TENM3: variants seen among roughly 807,000 people sequenced by gnomAD.
The protein encoded by TENM3 is teneurin-3.
In TENM3, 63 loss-of-function variants were observed where a neutral mutation model predicts 255.1. That is an observed-to-expected ratio of 0.25 (90% confidence interval 0.20 to 0.30). The LOEUF is 0.30. TENM3 is among the 10% of genes least tolerant of loss of function. The pLI is 1.00. For synonymous variants in TENM3, 1,306 were observed against 1,322.3 expected (o/e 0.99, Z 0.27); for missense variants, 2,929 against 3,461.1 (o/e 0.85, Z 3.86).
intron 1 of TENM3, among the ~76,000 whole-genome samples, chr4:182,200,422 T>C (rs1754113319): frequency 1.3e-5 from 2 of 152,216 alleles, no homozygotes; most frequent in Non-Finnish European, 2.9e-5. Flanking sequence ...CAAGAGAACA[T>C]TCTTATTGAG....
intron 3 of TENM3, among the ~76,000 whole-genome samples, chr4:182,594,717 TG>T (rs1357048104): frequency 3.8e-4 from 53 of 139,652 alleles, no homozygotes; most frequent in Middle Eastern, 3.8e-3. Context: ...TGTGTGTGTG[TG>T]TGTGTGTGTG....
intron 1 of TENM3, among the ~76,000 whole-genome samples, chr4:182,275,045 G>A (rs1424747546): frequency 3.3e-5 from 5 of 152,046 alleles, no homozygotes; most frequent in Non-Finnish European, 7.4e-5. Context: ...GGCTGGTCTC[G>A]AGCTCTTGAC....
At chr4:182,714,796 A>G in intron 13 of TENM3, among the ~76,000 whole-genome samples, 1 of 152,178 alleles carries the variant, frequency 6.6e-6, no homozygotes. Flanking sequence ...CTCAGCCTCC[A>G]TGTACTGTAT....
At chr4:181,745,647 G>A in the TENM3 span, among the ~76,000 whole-genome samples, 2 of 152,104 alleles carry the variant, frequency 1.3e-5, no homozygotes, top group Non-Finnish European at 2.9e-5. Context: ...TAAGGAGAGA[G>A]CTTGGGGAAG....
chr4:182,523,998 T>C (rs1389104439), intron 3 of TENM3, among the ~76,000 whole-genome samples: 3 of 152,128 alleles, frequency 2.0e-5, no homozygotes, highest in Non-Finnish European at 4.4e-5. Flanking sequence ...GAATTTTCCG[T>C]AGGAAAAAAA....
At chr4:182,431,923 A>G (rs1386578664) in intron 3 of TENM3, among the ~76,000 whole-genome samples, 1 of 151,984 alleles carries the variant, frequency 6.6e-6, no homozygotes, top group Admixed American at 6.5e-5. Flanking sequence ...CTAAAAATAG[A>G]AAAATTACAG....
the TENM3 span, among the ~76,000 whole-genome samples, chr4:181,994,958 A>G: frequency 7.4e-3 from 1,127 of 152,298 alleles, 16 homozygotes; most frequent in African/African-American, 0.025. Flanking sequence ...TTGGAATTGA[A>G]CTACACTTAT....
At chr4:182,629,778 A>G (rs12650230) in intron 5 of TENM3, among the ~76,000 whole-genome samples, 9,356 of 152,234 alleles carry the variant, frequency 0.061, 398 homozygotes, top group East Asian at 0.14. Context: ...AGTATTGCAG[A>G]GCTGTATGTA....
chr4:182,544,442 T>C (rs1044499251), intron 3 of TENM3, among the ~76,000 whole-genome samples: 8 of 147,216 alleles, frequency 5.4e-5, no homozygotes, highest in Non-Finnish European at 1.0e-4. Context: ...GCGACTCTCC[T>C]ACCTCAGTCT....
At chr4:182,695,191 T>C (rs550232818) in intron 12 of TENM3, among the ~76,000 whole-genome samples, 13 of 152,172 alleles carry the variant, frequency 8.5e-5, no homozygotes, top group African/African-American at 3.1e-4. Flanking sequence ...CAGTCAGTGG[T>C]TGGTAGTGGT....
chr4:181,797,788 G>A, the TENM3 span, among the ~76,000 whole-genome samples: 14 of 152,180 alleles, frequency 9.2e-5, no homozygotes, highest in African/African-American at 3.1e-4. Context: ...TTTCTAATGT[G>A]GGGGCTTCTG....
the TENM3 span, among the ~76,000 whole-genome samples, chr4:181,936,633 T>C: frequency 1.3e-5 from 2 of 152,172 alleles, no homozygotes; most frequent in East Asian, 1.9e-4. Flanking sequence ...TCTTAGAGAA[T>C]AGCAGGGAAG....
the TENM3 span, among the ~76,000 whole-genome samples, chr4:181,991,248 C>G: frequency 1.3e-5 from 2 of 152,062 alleles, no homozygotes; most frequent in Non-Finnish European, 1.5e-5. Flanking sequence ...AGATATTTCC[C>G]GTTCTGTTTT....
At chr4:181,742,544 C>T in the TENM3 span, among the ~76,000 whole-genome samples, 14 of 151,988 alleles carry the variant, frequency 9.2e-5, no homozygotes, top group Middle Eastern at 3.4e-3. Flanking sequence ...TGGGAAAAAA[C>T]GGACTATGGA....
At chr4:181,723,746 G>A in the TENM3 span, among the ~76,000 whole-genome samples, 1 of 152,182 alleles carries the variant, frequency 6.6e-6, no homozygotes, top group African/African-American at 2.4e-5. Flanking sequence ...AGTGGGCAGA[G>A]AACTAAGTGG....
intron 19 of TENM3, among the ~76,000 whole-genome samples, chr4:182,744,750 T>C (rs939749101): frequency 3.3e-5 from 5 of 152,206 alleles, no homozygotes; most frequent in African/African-American, 1.2e-4. Context: ...GGAGAATTAC[T>C]AGATTTAAGA....
chr4:181,473,322 C>T, the TENM3 span, among the ~76,000 whole-genome samples: 4 of 152,088 alleles, frequency 2.6e-5, no homozygotes, highest in Non-Finnish European at 5.9e-5. Flanking sequence ...AGTGCGGTGG[C>T]TCATGCCTGT....
At chr4:182,069,431 T>G in the TENM3 span, among the ~76,000 whole-genome samples, 1 of 152,198 alleles carries the variant, frequency 6.6e-6, no homozygotes, top group Non-Finnish European at 1.5e-5. Flanking sequence ...AGGAAGGACT[T>G]GATCAGAACC....
At chr4:181,955,704 G>T in the TENM3 span, among the ~76,000 whole-genome samples, 2 of 152,266 alleles carry the variant, frequency 1.3e-5, no homozygotes, top group Admixed American at 1.3e-4. Context: ...ATTGGTTGAC[G>T]ATAGGGAGCC....
Sources: allele counts gnomAD v4.1 joint callset (sites outside exome capture counted in the v4.1 genomes callset), GRCh38; gene constraint gnomAD v4.1.1; transcripts MANE v1.5; gene names NCBI Gene and HGNC (gene_info 2026-07-23, HGNC 2026-07-21).